Variants in KDM5B observed in about 807,000 individuals in gnomAD.
KDM5B encodes lysine-specific demethylase 5B.
KDM5B carries 144 observed loss-of-function variants against 193.4 expected under a neutral mutation model. That is an observed-to-expected ratio of 0.74 (90% CI 0.65 to 0.86). The LOEUF (loss-of-function observed/expected upper bound fraction) is 0.86. KDM5B is among the 40% of genes least tolerant of loss of function. The pLI is 0.00. For missense variants in KDM5B, 1,833 were observed against 1,886.9 expected (o/e 0.97, Z 0.53); for synonymous variants, 668 against 682.6 (o/e 0.98, Z 0.33).
chr1:202,802,762 G>C (rs1004673538), intron 1 of KDM5B, among the ~76,000 whole-genome samples: 2 of 152,130 alleles, frequency 1.3e-5, no homozygotes, highest in East Asian at 3.9e-4. Flanking sequence ...ATGTAAACCA[G>C]TAAACACATT....
intron 14 of KDM5B, among the ~76,000 whole-genome samples, chr1:202,748,090 G>A (rs2102246241): frequency 6.6e-6 from 1 of 152,210 alleles, no homozygotes; most frequent in South Asian, 2.1e-4. Flanking sequence ...CAAGAGTCCA[G>A]AAATAGACCC....
chr1:202,740,352 C>T (rs7540914), intron 20 of KDM5B, among the ~76,000 whole-genome samples: 1,442 of 122,088 alleles, frequency 0.012, 80 homozygotes, highest in African/African-American at 0.038. Context: ...GCCGGCCGGG[C>T]GGGGGGCTGA....
chr1:202,781,181 C>T (rs977249868), intron 1 of KDM5B, among the ~76,000 whole-genome samples: 10 of 152,132 alleles, frequency 6.6e-5, no homozygotes, highest in Non-Finnish European at 1.5e-4. Flanking sequence ...AACCTGTAGT[C>T]CTACCTACTC....
At chr1:202,789,929 AAAT>A (rs1004302460) in intron 1 of KDM5B, among the ~76,000 whole-genome samples, 15 of 152,148 alleles carry the variant, frequency 9.9e-5, no homozygotes, top group Non-Finnish European at 1.5e-4. Flanking sequence ...CATCTCTAAA[AAAT>A]AATAATAAGG....
At chr1:202,740,225 T>G in intron 20 of KDM5B, among the ~76,000 whole-genome samples, 1 of 123,384 alleles carries the variant, frequency 8.1e-6, no homozygotes, top group African/African-American at 3.2e-5. Context: ...GCTGGCCGGG[T>G]TGGGGGCTGA....
intron 4 of KDM5B, among the ~76,000 whole-genome samples, chr1:202,767,701 TA>T (rs551808204): frequency 6.6e-6 from 1 of 152,042 alleles, no homozygotes; most frequent in Non-Finnish European, 1.5e-5. Flanking sequence ...TTTAAAACAT[TA>T]AAAAAAATTT....
intron 16 of KDM5B, among the ~76,000 whole-genome samples, chr1:202,745,271 C>T (rs1434624416): frequency 6.6e-6 from 1 of 152,096 alleles, no homozygotes; most frequent in East Asian, 1.9e-4. Flanking sequence ...CAACAAACGC[C>T]CATGACACAA....
rs965080277 is a variant in KDM5B, at chr1:202,762,649, G to A, written c.918+50C>T. 2.9e-6 allele frequency: 3 copies of A among 1,044,102 alleles called. No homozygotes were observed. In the Admixed American group the frequency reaches 5.2e-5, roughly 18 times the overall value. The allele number at this position is 1,044,102 out of a possible 1,614,324, so 64.7% of individuals were successfully genotyped here. On this transcript the variant is annotated intron_variant, in intron 7 of 26. Coordinates refer to ENST00000367265, the MANE Select transcript of KDM5B (RefSeq NM_006618.5). Reference sequence around the variant, plus strand: ...GGGTAAAGGGGATTAAAGAAAGGAAGGGAAGAAGGAAAACAGGAAAGAAAA... The same window carrying A: ...GGGTAAAGGGGATTAAAGAAAGGAAAGGAAGAAGGAAAACAGGAAAGAAAA...
chr1:202,781,609 C>T (rs1217315783), intron 1 of KDM5B, among the ~76,000 whole-genome samples: 3 of 152,154 alleles, frequency 2.0e-5, no homozygotes, highest in Non-Finnish European at 4.4e-5. Flanking sequence ...TTATACAGAA[C>T]ACATCCTAGC....
chr1:202,767,093 CCTTT>C, intron 4 of KDM5B, 33 bp from the exon 5 acceptor site: 2 of 1,602,088 alleles, frequency 1.2e-6, no homozygotes, highest in Non-Finnish European at 1.7e-6. Flanking sequence ...TAAATTCCCT[CCTTT>C]TTTTTTTCAC....
At chr1:202,798,923 G>A (rs1657963364) in intron 1 of KDM5B, among the ~76,000 whole-genome samples, 2 of 152,218 alleles carry the variant, frequency 1.3e-5, no homozygotes, top group Non-Finnish European at 2.9e-5. Flanking sequence ...AGGAGGCCGA[G>A]GTGAGAGGAC....
rs1391047271 is a variant in KDM5B, at chr1:202,755,372, T to C, written c.1437A>G (p.Ile479Met). ...ACAACCAAGGAAGTTTCATGCCACA[T>C]ATATCAGCAGTAATATGTGCAAGGA... The part of the protein sequence containing the change: ...QSVLAHITAD[I>M]CGMKLPWLYV... Residue 479 changes from isoleucine (I) to methionine (M), a missense_variant, in exon 11 of 27, where the codon ATA becomes ATG. Ile to Met is a conservative substitution (Grantham distance 10). Around this residue, in one of 3 missense-constraint regions of KDM5B, gnomAD observed 1,379 missense variants for 1,349.6 expected, o/e 1.02. Coordinates refer to ENST00000367265, the MANE Select transcript of KDM5B (RefSeq NM_006618.5). 1 of 1,613,890 alleles carries C rather than the reference T, an allele frequency of 6.2e-7. No homozygotes were observed. Among genetic ancestry groups the C allele is most frequent in the South Asian group, 1.1e-5 (1 of 91,078 alleles).
At chr1:202,774,818 T>A (rs796153438) in intron 2 of KDM5B, 83 bp from the exon 3 acceptor site, 15 of 1,388,412 alleles carry the variant, frequency 1.1e-5, no homozygotes, top group Non-Finnish European at 1.5e-5. Flanking sequence ...TTTCACAGAA[T>A]ATTTAAGTAC....
At chr1:202,773,883 A>T (rs1293527757) in intron 3 of KDM5B, among the ~76,000 whole-genome samples, 1 of 151,958 alleles carries the variant, frequency 6.6e-6, no homozygotes, top group Non-Finnish European at 1.5e-5. Flanking sequence ...GATTACAGGC[A>T]TGTGCCACCA....
intron 1 of KDM5B, among the ~76,000 whole-genome samples, chr1:202,780,006 A>G (rs550321736): frequency 3.8e-4 from 58 of 152,178 alleles, no homozygotes; most frequent in African/African-American, 1.2e-3. Flanking sequence ...AGACAAAATA[A>G]TAACTTACAG....
intron 2 of KDM5B, among the ~76,000 whole-genome samples, chr1:202,775,662 C>T (rs914834483): frequency 1.5e-4 from 23 of 151,222 alleles, no homozygotes; most frequent in Non-Finnish European, 2.9e-4. Flanking sequence ...TTGAGACCAG[C>T]CTGGCCAACA....
chr1:202,789,954 G>A (rs1181010175), intron 1 of KDM5B, among the ~76,000 whole-genome samples: 1 of 152,198 alleles, frequency 6.6e-6, no homozygotes, highest in East Asian at 1.9e-4. Flanking sequence ...TGAGTGCAGT[G>A]GCTCACGCCT....
Position 202,777,747 on chromosome 1 carries a change from C to T in KDM5B, c.205-653G>A, listed in dbSNP as rs539293465. The stretch of plus-strand genomic sequence containing the variant: ...CTCTACAGCTCCAATGATCCTCCCA[C>T]CTTTGCCTCCCAAAGTGCTGAGATT... On this transcript the variant is annotated intron_variant, in intron 1 of 26. Coordinates refer to ENST00000367265, the MANE Select transcript of KDM5B (RefSeq NM_006618.5). Among the ~76,000 whole-genome samples, 8 of 152,280 alleles carry T rather than the reference C, an allele frequency of 5.3e-5. No individual in the cohort carries two copies. In the South Asian group the frequency reaches 1.7e-3, roughly 32 times the overall value.
At chr1:202,803,748 G>A (rs561071850) in intron 1 of KDM5B, among the ~76,000 whole-genome samples, 1 of 151,944 alleles carries the variant, frequency 6.6e-6, no homozygotes, top group Non-Finnish European at 1.5e-5. Context: ...GAACCCGGGA[G>A]GCGGATGTTG....
Sources: gnomAD v4.1 joint callset for allele counts (sites outside exome capture counted in the v4.1 genomes callset) on GRCh38, gnomAD v4.1.1 for gene constraint, gnomAD v4.1.1 regional missense constraint, MANE v1.5 for transcripts, NCBI Gene and HGNC (gene_info 2026-07-23, HGNC 2026-07-21) for gene names.